TTN: variants seen among roughly 807,000 people sequenced by gnomAD.
The protein encoded by TTN is connectin.
Under a neutral mutation model 3,223.0 loss-of-function variants are expected in TTN, and 1,525 were observed. That is an observed-to-expected ratio of 0.47 (90% confidence interval 0.45 to 0.49). The LOEUF (loss-of-function observed/expected upper bound fraction) is 0.49, where lower values mean the gene tolerates loss of function less well. Among genes scored for constraint, TTN ranks in the 20% least tolerant of loss-of-function variants. TTN has a pLI of 0.00. For missense variants in TTN, 40,786 were observed against 43,424.0 expected (o/e 0.94, Z 5.40); for synonymous variants, 14,094 against 15,161.0 (o/e 0.93, Z 5.17).
rs1560924067 is a variant in TTN at position 178,741,440 on chromosome 2, C to A, written c.11793G>T (p.Lys3931Asn). The A allele has an allele frequency of 6.2e-7, 1 of 1,613,878 alleles. No individual in the cohort carries two copies. The highest frequency in any genetic ancestry group is 1.1e-5 in the South Asian group (1 of 91,074). Reference protein sequence around the residue: ...TESAVAKSLEKLGGPCPPHFL... With the variant: ...TESAVAKSLENLGGPCPPHFL... ...AGTGAGGAGGACAAGGACCTCCCAG[C>A]TTTTCCAGAGATTTTGCCACTGCTG... The change falls in exon 48 of 363, where the codon AAG (lysine) becomes AAT (asparagine). Residue 3931 changes from lysine (K) to asparagine (N), a missense_variant. Physicochemically the swap from Lys to Asn is moderately conservative, Grantham distance 94. Coordinates refer to ENST00000589042, the MANE Select transcript of TTN (RefSeq NM_001267550.2).
chr2:178,544,625 A>C (rs1177518178), intron 344 of TTN, 119 bp from the exon 345 acceptor site: 2 of 775,190 alleles, frequency 2.6e-6, no homozygotes, highest in Admixed American at 2.7e-5. Context: ...TCACCAAGAT[A>C]ATCTTTATTA....
intron 159 of TTN, among the ~76,000 whole-genome samples, chr2:178,668,423 T>G (rs113556911): frequency 1.3e-5 from 2 of 152,046 alleles, no homozygotes; most frequent in Non-Finnish European, 2.9e-5. Context: ...AACAGGAAAT[T>G]TTTTAGATTA....
At chr2:178,737,287 T>A (rs1379448558) in intron 49 of TTN, 2 of 152,038 alleles carry the variant, frequency 1.3e-5, no homozygotes, top group Non-Finnish European at 2.9e-5. Flanking sequence ...TTTGTGTAGT[T>A]GTCTTATTTT....
At chr2:178,619,141 T>G (rs983523720) in intron 250 of TTN, 4 of 440,512 alleles carry the variant, frequency 9.1e-6, no homozygotes, top group African/African-American at 8.3e-5. Context: ...AAAACATGTT[T>G]TGTTTTGTTT....
At chr2:178,555,264 C>CACA in intron 330 of TTN, 112 bp from the exon 331 acceptor site, 1 of 962,980 alleles carries the variant, frequency 1.0e-6, no homozygotes, top group Non-Finnish European at 1.5e-6. Context: ...TACACACACA[C>CACA]CATCATTATA....
chr2:178,601,004 A>G lies in TTN; in HGVS notation c.55900T>C (p.Cys18634Arg), dbSNP rs2154192588. ...TGTKKEAWRQ[C>R]NKRDVEELQF... The stretch of plus-strand genomic sequence containing the variant: ...AGTTCTTCCACATCACGCTTATTGC[A>G]CTGCCTCCAGGCTTCTTTCTTTGTC... The change falls in exon 288 of 363, where the codon TGC becomes CGC. Residue 18634 changes from cysteine to arginine, a missense_variant. Coordinates refer to ENST00000589042, the MANE Select transcript of TTN (RefSeq NM_001267550.2). The G allele has an allele frequency of 1.2e-6, 2 of 1,613,066 alleles. No homozygotes were observed. Among genetic ancestry groups the G allele is most frequent in the Non-Finnish European group, 1.7e-6 (2 of 1,179,368 alleles).
In TTN at chr2:178,552,075, C is replaced by T. The variant is rs752704041; in HGVS notation, c.90825G>A (p.Val30275=). 6.2e-7 allele frequency: 1 copy of T among 1,613,764 alleles called. No homozygotes were observed. The highest frequency in any genetic ancestry group is 8.5e-7 in the Non-Finnish European group (1 of 1,179,764). The change falls in exon 335 of 363, where the codon GTG becomes GTA. Residue 30275 remains valine (V), a synonymous_variant. Transcript: ENST00000589042. ...RETSQTNWKM[V]CSSVARTTFK... ...AAGTCGTTCTGGCAACACTTGAACA[C>T]ACCATCTTCCAGTTAGTTTGTGAAG...
Position 178,757,683 on chromosome 2 carries a change from A to G in TTN, c.10537T>C (p.Phe3513Leu), listed in dbSNP as rs771751290. 2.0e-5 allele frequency: 32 copies of G among 1,613,744 alleles called. No individual in the cohort carries two copies. In the East Asian group the frequency reaches 6.2e-4, roughly 31 times the overall value. The change falls in exon 45 of 363, where the codon TTC becomes CTC. Residue 3513 changes from phenylalanine to leucine, a missense_variant. Physicochemically the swap from Phe to Leu is conservative, Grantham distance 22. Coordinates refer to ENST00000589042, the MANE Select transcript of TTN (RefSeq NM_001267550.2). ...ATGCCTGTGGACTCCTCAAAATGGA[A>G]AACTACATCTTTTGTTGGTAGAATT... ...QLILPTKDVV[F>L]HFEESTGMAL...
At chr2:178,585,460 A>C (rs1318776118) in intron 308 of TTN, 113 bp from the exon 309 acceptor site, 1 of 1,166,474 alleles carries the variant, frequency 8.6e-7, no homozygotes, top group Non-Finnish European at 1.2e-6. Flanking sequence ...TTTTTAATAT[A>C]TACTTTAAGT....
rs2154296103 is a variant in TTN, at chr2:178,712,559, G to A, written c.27363C>T (p.Tyr9121=). 5.6e-6 allele frequency: 9 copies of A among 1,613,070 alleles called. No individual in the cohort carries two copies. Among genetic ancestry groups the A allele is most frequent in the Non-Finnish European group, 7.6e-6 (9 of 1,179,472 alleles). ...PAKFVKRLND[Y]SIEKGKPLIL... ...TCAGGGGTTTTCCTTTCTCTATGCT[G>A]TAATCATTCAGCCTCTTCACAAATT... is the stretch of plus-strand genomic sequence containing the variant. Residue 9121 remains tyrosine (Y), a synonymous_variant, in exon 95 of 363, where the codon TAC becomes TAT. Transcript: ENST00000589042.
chr2:178,776,823 G>A lies in TTN; in HGVS notation c.5041C>T (p.His1681Tyr). ...EIAAPELEPL[H>Y]LRYGQEQWEE... ...CATTGCTCTTGGCCATATCGCAAAT[G>A]GAGGGGCTCCAGTTCTGGGGCTGCA... Residue 1681 changes from histidine to tyrosine, a missense_variant, in exon 28 of 363, where the codon CAT becomes TAT. Physicochemically the swap from His to Tyr is moderately conservative, Grantham distance 83. Transcript: ENST00000589042. 1 of 1,614,116 alleles carries A rather than the reference G, an allele frequency of 6.2e-7. No individual in the cohort carries two copies. Among genetic ancestry groups the A allele is most frequent in the Non-Finnish European group, 8.5e-7 (1 of 1,180,004 alleles).
chr2:178,689,214 C>T, intron 124 of TTN, 76 bp downstream of exon 124: 1 of 1,589,000 alleles, frequency 6.3e-7, no homozygotes, highest in South Asian at 1.1e-5. Flanking sequence ...AATACACCCA[C>T]AGTGCACTCA....
In TTN at chr2:178,694,655, ATCT is replaced by A; in HGVS notation, c.31367_31369del (p.Lys10456del). ...AGTCCGGGAAGGTTTTTGTGGAACA[ATCT>A]TCTTTGAAACTTCAGGTACTTTAAA... On this transcript the variant is annotated inframe_deletion, in exon 117 of 363. Coordinates refer to ENST00000589042, the MANE Select transcript of TTN (RefSeq NM_001267550.2). The A allele has an allele frequency of 6.4e-7, 1 of 1,555,832 alleles. No individual in the cohort carries two copies.
chr2:178,764,496 T>C, intron 42 of TTN, 31 bp downstream of exon 42: 4 of 1,613,706 alleles, frequency 2.5e-6, no homozygotes, highest in Non-Finnish European at 3.4e-6. Context: ...TTAGGTTTTA[T>C]TTTCAGCTGG....
intron 163 of TTN, among the ~76,000 whole-genome samples, chr2:178,666,582 A>C (rs1266116448): frequency 6.6e-6 from 1 of 152,168 alleles, no homozygotes; most frequent in African/African-American, 2.4e-5. Flanking sequence ...TGGAGTCCTC[A>C]TAAAAATACA....
At position 178,727,274 on chromosome 2, in the gene TTN, G is replaced by A; in HGVS notation, c.20091C>T (p.Ile6697=). The change falls in exon 69 of 363, where the codon ATC becomes ATT. Residue 6697 remains isoleucine, a synonymous_variant. Transcript: ENST00000589042. ...LECKIAGSPE[I]RVVWFRNEHE... The stretch of plus-strand genomic sequence containing the variant: ...GTTCATTTCGGAACCACACAACTCT[G>A]ATTTCTGGGGATCCAGCTATCTTGC... The A allele has an allele frequency of 6.2e-7, 1 of 1,613,086 alleles. No individual in the cohort carries two copies.
At chr2:178,747,215 T>G in intron 47 of TTN, 1 of 1,611,040 alleles carries the variant, frequency 6.2e-7, no homozygotes, top group Non-Finnish European at 8.5e-7. Context: ...AGGTGTGGAG[T>G]ATCTCTCTAG....
At position 178,673,654 on chromosome 2, in the gene TTN, CT is replaced by C; in HGVS notation, c.34764del (p.Val11589TrpfsTer72). On this transcript the variant is annotated frameshift_variant, in exon 152 of 363. Transcript: ENST00000589042. LOFTEE classifies it high-confidence loss of function. The part of the protein sequence containing the change: ...VPEAPTPVPK[K>X]VEAPPAKVSK... ...ATACCTTTAGCTGGTGGTGCCTCCA[CT>C]TTTTTAGGAACAGGAGTAGGTGCTT... is the stretch of plus-strand genomic sequence containing the variant. 7 of 1,594,820 alleles carry C rather than the reference CT, an allele frequency of 4.4e-6. No individual in the cohort carries two copies. The highest frequency in any genetic ancestry group is 1.7e-4 in the Middle Eastern group (1 of 6,014).
intron 49 of TTN, among the ~76,000 whole-genome samples, chr2:178,736,546 G>A (rs1358681589): frequency 6.6e-6 from 1 of 152,078 alleles, no homozygotes; most frequent in Non-Finnish European, 1.5e-5. Context: ...TTCTTATATG[G>A]CTTAACTATG....
Sources: gnomAD v4.1 joint callset for allele counts (sites outside exome capture counted in the v4.1 genomes callset) on GRCh38, gnomAD v4.1.1 for gene constraint, MANE v1.5 for transcripts, NCBI Gene and HGNC (gene_info 2026-07-23, HGNC 2026-07-21) for gene names.